KLHL1: variants seen among roughly 807,000 people sequenced by gnomAD.
The protein encoded by KLHL1 is kelch-like protein 1.
Under a neutral mutation model 77.7 loss-of-function variants are expected in KLHL1, and 47 were observed. That is an observed-to-expected ratio of 0.60 (90% confidence interval 0.48 to 0.77). KLHL1 has a LOEUF of 0.77. KLHL1 is among the 30% of genes least tolerant of loss of function. The probability of loss-of-function intolerance (pLI) is 0.00; values close to 1 mark genes in which losing one functional copy is unlikely to be tolerated. For missense variants in KLHL1, 925 were observed against 910.8 expected (o/e 1.02, Z -0.20); for synonymous variants, 360 against 325.2 (o/e 1.11, Z -1.15).
intron 5 of KLHL1, among the ~76,000 whole-genome samples, chr13:69,839,421 A>C (rs750269013): frequency 2.0e-5 from 3 of 151,942 alleles, no homozygotes; most frequent in Admixed American, 2.0e-4. Flanking sequence ...TATAGTGATC[A>C]GCTTTTCTAT....
chr13:69,724,747 A>T (rs1158042437), intron 8 of KLHL1, among the ~76,000 whole-genome samples: 1 of 152,166 alleles, frequency 6.6e-6, no homozygotes, highest in African/African-American at 2.4e-5. Flanking sequence ...AAATCACATG[A>T]TCATCTCAAT....
chr13:69,988,351 A>T (rs1293386648), intron 1 of KLHL1, among the ~76,000 whole-genome samples: 1 of 152,042 alleles, frequency 6.6e-6, no homozygotes, highest in Non-Finnish European at 1.5e-5. Context: ...CATTGTCTTT[A>T]TCCAGCCTAT....
At chr13:70,053,346 A>G (rs941515390) in intron 1 of KLHL1, among the ~76,000 whole-genome samples, 1 of 152,070 alleles carries the variant, frequency 6.6e-6, no homozygotes, top group Non-Finnish European at 1.5e-5. Context: ...AGAGAGCATA[A>G]TATGTGGCAT....
intron 7 of KLHL1, among the ~76,000 whole-genome samples, chr13:69,766,264 ATAAGTTTTTCAT>A (rs1318465582): frequency 6.6e-6 from 1 of 151,844 alleles, no homozygotes; most frequent in Non-Finnish European, 1.5e-5. Flanking sequence ...CCTCAAAGGT[ATAAGTTTTTCAT>A]AAACTACAAG....
intron 7 of KLHL1, among the ~76,000 whole-genome samples, chr13:69,761,690 G>A (rs565461609): frequency 6.6e-6 from 1 of 152,242 alleles, no homozygotes; most frequent in African/African-American, 2.4e-5. Context: ...TTTAATAAAT[G>A]TGCTATGCAC....
Position 69,890,699 on chromosome 13 carries a change from T to C in KLHL1, c.1015-8204A>G, listed in dbSNP as rs141209264. On this transcript the variant is annotated intron_variant, in intron 4 of 10. Coordinates refer to ENST00000377844, the MANE Select transcript of KLHL1 (RefSeq NM_020866.3). The stretch of plus-strand genomic sequence containing the variant: ...GTATCTCCTTGTAAAGGCTAAGAAC[T>C]ACCATTCTTTAATCTGTATAGAAGG... Among the ~76,000 whole-genome samples, 158 of 151,842 alleles carry C rather than the reference T, an allele frequency of 1.0e-3. 2 individuals carry two copies. The highest frequency in any genetic ancestry group is 3.7e-3 in the African/African-American group (153 of 41,492).
At chr13:69,784,882 A>ATTTTTTTTTTTT (rs775109435) in intron 7 of KLHL1, among the ~76,000 whole-genome samples, 2 of 79,484 alleles carry the variant, frequency 2.5e-5, no homozygotes, top group Admixed American at 1.7e-4. Flanking sequence ...CAGAATATAC[A>ATTTTTTTTTTTT]TTTTTTTTTT....
intron 4 of KLHL1, among the ~76,000 whole-genome samples, chr13:69,928,015 C>T (rs1055033084): frequency 6.6e-6 from 1 of 152,180 alleles, no homozygotes; most frequent in Non-Finnish European, 1.5e-5. Flanking sequence ...AATTAGGCTA[C>T]AGTTTGGGCC....
chr13:69,857,082 C>T (rs1009936166), intron 5 of KLHL1, among the ~76,000 whole-genome samples: 1 of 152,092 alleles, frequency 6.6e-6, no homozygotes, highest in Admixed American at 6.6e-5. Flanking sequence ...TAAAACTCTC[C>T]GTTTTTTGTC....
intron 1 of KLHL1, among the ~76,000 whole-genome samples, chr13:70,082,342 C>G (rs2137431288): frequency 6.7e-6 from 1 of 148,720 alleles, no homozygotes. Flanking sequence ...CACACACACA[C>G]ACACACACAC....
At chr13:69,755,312 A>G (rs1379726422) in intron 7 of KLHL1, among the ~76,000 whole-genome samples, 1 of 151,876 alleles carries the variant, frequency 6.6e-6, no homozygotes, top group East Asian at 2.0e-4. Flanking sequence ...GTATCACGTG[A>G]CAAGAGCTTC....
chr13:69,747,186 A>G (rs905106950), intron 7 of KLHL1, among the ~76,000 whole-genome samples: 5 of 152,098 alleles, frequency 3.3e-5, no homozygotes, highest in African/African-American at 7.2e-5. Flanking sequence ...TTTTACAGTT[A>G]TACATATTAG....
intron 1 of KLHL1, among the ~76,000 whole-genome samples, chr13:70,040,517 T>G (rs184121103): frequency 3.3e-5 from 5 of 152,296 alleles, no homozygotes; most frequent in African/African-American, 1.2e-4. Context: ...TTTAGGCACT[T>G]GAAAACTATT....
chr13:69,706,779 G>C (rs1336098228), intron 10 of KLHL1, among the ~76,000 whole-genome samples: 1 of 151,942 alleles, frequency 6.6e-6, no homozygotes, highest in African/African-American at 2.4e-5. Context: ...ACACAAGTCA[G>C]AGTGTATCGA....
intron 5 of KLHL1, among the ~76,000 whole-genome samples, chr13:69,853,417 G>A (rs776521510): frequency 1.3e-5 from 2 of 151,890 alleles, no homozygotes; most frequent in Non-Finnish European, 2.9e-5. Flanking sequence ...GTTTCCCGAG[G>A]CCTCCCCAGC....
At chr13:69,798,941 T>G (rs973276977) in intron 6 of KLHL1, among the ~76,000 whole-genome samples, 1 of 151,752 alleles carries the variant, frequency 6.6e-6, no homozygotes, top group Admixed American at 6.6e-5. Flanking sequence ...AAAAATAAAA[T>G]AGCCGGGCAT....
intron 5 of KLHL1, among the ~76,000 whole-genome samples, chr13:69,876,333 G>A (rs535058821): frequency 3.0e-4 from 46 of 152,146 alleles, no homozygotes; most frequent in African/African-American, 1.0e-3. Flanking sequence ...TATGTCACTG[G>A]TATCTGATCA....
At position 69,904,619 on chromosome 13, in the gene KLHL1, A is replaced by G. The variant is rs1479501952; in HGVS notation, c.1015-22124T>C. ...ATTCTCACAATTGCTCTTAAAAGTC[A>G]AAATCTATGTGGCCATTCATGATTG... On this transcript the variant is annotated intron_variant, in intron 4 of 10. Coordinates refer to ENST00000377844, the MANE Select transcript of KLHL1 (RefSeq NM_020866.3). 3.3e-5 allele frequency among the ~76,000 whole-genome samples: 5 copies of G among 152,198 alleles called. 1 individual carries two copies. The highest frequency in any genetic ancestry group is 3.3e-4 in the Admixed American group (5 of 15,276).
intron 7 of KLHL1, among the ~76,000 whole-genome samples, chr13:69,753,970 G>A (rs1237901601): frequency 6.6e-6 from 1 of 151,734 alleles, no homozygotes; most frequent in Non-Finnish European, 1.5e-5. Context: ...CCAGGTAGCT[G>A]GGACTAGAGG....
Sources: allele counts gnomAD v4.1 joint callset (sites outside exome capture counted in the v4.1 genomes callset), GRCh38; gene constraint gnomAD v4.1.1; transcripts MANE v1.5; gene names NCBI Gene and HGNC (gene_info 2026-07-23, HGNC 2026-07-21).